The following CHP1 variants were observed in gnomAD, a reference collection of about 807,000 sequenced individuals.
The protein encoded by CHP1 is calcineurin like EF-hand protein 1.
A neutral mutation model predicts 27.4 loss-of-function variants in CHP1; 11 were observed. The observed-to-expected ratio is 0.40, with a 90% confidence interval of 0.25 to 0.67. The LOEUF is 0.67. Among genes scored for constraint, CHP1 ranks in the 30% least tolerant of loss-of-function variants. The pLI, the probability that CHP1 is intolerant of heterozygous loss-of-function variation, is 0.38. For missense variants in CHP1, 169 were observed against 251.3 expected (o/e 0.67, Z 2.22); for synonymous variants, 89 against 87.4 (o/e 1.02, Z -0.10).
In CHP1 at chr15:41,281,775, A is replaced by AT. The variant is rs1002409209; in HGVS notation, c.*2390dup. The AT allele has an allele frequency of 6.6e-6, 1 of 152,494 alleles. No individual in the cohort carries two copies. The highest frequency in any genetic ancestry group is 1.5e-5 in the Non-Finnish European group (1 of 68,020). 9.4% of individuals were successfully genotyped at this position (152,494 alleles called of 1,614,324 possible). On this transcript the variant is annotated 3_prime_UTR_variant, in exon 7 of 7. Coordinates refer to ENST00000334660, the MANE Select transcript of CHP1 (RefSeq NM_007236.5). ...TGGCATAAAGTTCCTAAGGTTATAG[A>AT]TTTTCCCCCCTTTTGGCTGTATAGC...
chr15:41,279,216 A>G, intron 6 of CHP1, 120 bp from the exon 7 acceptor site: 1 of 866,626 alleles, frequency 1.2e-6, no homozygotes, highest in Non-Finnish European at 1.8e-6. Flanking sequence ...CCTCCAAAAA[A>G]AAAAAAAAAA....
chr15:41,267,405 T>C (rs2047466828), intron 4 of CHP1, among the ~76,000 whole-genome samples: 1 of 152,074 alleles, frequency 6.6e-6, no homozygotes, highest in African/African-American at 2.4e-5. Flanking sequence ...CTTATTCCTG[T>C]AATCCCAACA....
At chr15:41,259,127 C>G (rs2047418316) in intron 3 of CHP1, among the ~76,000 whole-genome samples, 1 of 152,072 alleles carries the variant, frequency 6.6e-6, no homozygotes, top group African/African-American at 2.4e-5. Flanking sequence ...TCTAATTCCT[C>G]TTTTACCCCT....
intron 4 of CHP1, among the ~76,000 whole-genome samples, chr15:41,268,206 T>C (rs549621870): frequency 6.6e-6 from 1 of 152,292 alleles, no homozygotes; most frequent in East Asian, 1.9e-4. Flanking sequence ...GAGAAAGGCA[T>C]AGGGAGATGT....
At position 41,231,434 on chromosome 15, in the gene CHP1, A is replaced by G. The variant is rs1308313102; in HGVS notation, c.52A>G (p.Lys18Glu). 6.2e-7 allele frequency: 1 copy of G among 1,603,724 alleles called. No individual in the cohort carries two copies. The highest frequency in any genetic ancestry group is 1.1e-5 in the South Asian group (1 of 88,902). ...GCGGGACGAAGAGCTCGAGGAGATC[A>G]AGAAGGAGACCGGCTGTGAGTTCGG... ...LLRDEELEEIKKETGFSHSQI... is the reference protein window; with the variant it reads ...LLRDEELEEIEKETGFSHSQI... The change falls in exon 1 of 7, where the codon AAG becomes GAG. Residue 18 changes from lysine (K) to glutamate (E), a missense_variant. Coordinates refer to ENST00000334660, the MANE Select transcript of CHP1 (RefSeq NM_007236.5).
chr15:41,244,426 T>G (rs2164996), intron 2 of CHP1, among the ~76,000 whole-genome samples: 1 of 151,870 alleles, frequency 6.6e-6, no homozygotes, highest in South Asian at 2.1e-4. Flanking sequence ...TTTGTCTTCT[T>G]TTATTTACCA....
intron 1 of CHP1, among the ~76,000 whole-genome samples, chr15:41,238,882 C>T (rs1011320096): frequency 3.9e-5 from 6 of 151,998 alleles, no homozygotes; most frequent in South Asian, 2.1e-4. Flanking sequence ...TTTATATGCA[C>T]GGCCTTCTCT....
intron 6 of CHP1, 89 bp from the exon 7 acceptor site, chr15:41,279,247 A>C: frequency 2.0e-6 from 2 of 1,015,718 alleles, no homozygotes; most frequent in Non-Finnish European, 3.1e-6. Context: ...ACTGCACAGG[A>C]GGAAGGGGGG....
intron 5 of CHP1, among the ~76,000 whole-genome samples, chr15:41,276,976 G>C (rs2047522536): frequency 6.6e-6 from 1 of 152,200 alleles, no homozygotes. Flanking sequence ...CCACCAGACA[G>C]AATGAGGTAA....
intron 2 of CHP1, among the ~76,000 whole-genome samples, chr15:41,255,896 A>G (rs919187187): frequency 6.6e-6 from 1 of 152,118 alleles, no homozygotes; most frequent in Non-Finnish European, 1.5e-5. Flanking sequence ...GAGTGCCTGT[A>G]ATCCCAGCTA....
At chr15:41,248,125 A>C (rs933355488) in intron 2 of CHP1, among the ~76,000 whole-genome samples, 3 of 151,878 alleles carry the variant, frequency 2.0e-5, no homozygotes, top group African/African-American at 7.3e-5. Context: ...GATGTGCCAG[A>C]CACTGTTCTC....
intron 1 of CHP1, among the ~76,000 whole-genome samples, chr15:41,236,406 C>T (rs2047277184): frequency 6.6e-6 from 1 of 152,060 alleles, no homozygotes; most frequent in East Asian, 1.9e-4. Context: ...GGACTACAGG[C>T]ACATGCCACC....
intron 1 of CHP1, among the ~76,000 whole-genome samples, chr15:41,238,870 C>T (rs192916095): frequency 3.3e-5 from 5 of 151,988 alleles, no homozygotes; most frequent in East Asian, 1.9e-4. Flanking sequence ...AAAAAAGACA[C>T]GTTTATATGC....
At chr15:41,241,685 G>A (rs1025915535) in intron 1 of CHP1, among the ~76,000 whole-genome samples, 1 of 152,202 alleles carries the variant, frequency 6.6e-6, no homozygotes, top group African/African-American at 2.4e-5. Flanking sequence ...ACAGAACAGA[G>A]CCCAGCTTCG....
intron 1 of CHP1, among the ~76,000 whole-genome samples, chr15:41,240,744 ACT>A (rs1332075200): frequency 1.4e-5 from 2 of 147,496 alleles, no homozygotes; most frequent in Non-Finnish European, 3.0e-5. Context: ...GAAGAGCGAA[ACT>A]CTATCTCAAA....
At chr15:41,244,924 C>T (rs1264667880) in intron 2 of CHP1, among the ~76,000 whole-genome samples, 1 of 152,016 alleles carries the variant, frequency 6.6e-6, no homozygotes, top group Non-Finnish European at 1.5e-5. Context: ...CAGCTTAGGA[C>T]TTCTTTAGAA....
chr15:41,247,601 G>A (rs1170338779), intron 2 of CHP1, among the ~76,000 whole-genome samples: 15 of 151,924 alleles, frequency 9.9e-5, no homozygotes, highest in Non-Finnish European at 2.2e-4. Flanking sequence ...GAACCCGGGA[G>A]GTGGAGGTTG....
intron 3 of CHP1, 44 bp downstream of exon 3, chr15:41,257,034 A>C (rs1157086063): frequency 6.9e-7 from 1 of 1,440,618 alleles, no homozygotes; most frequent in Admixed American, 1.7e-5. Context: ...AGGCTATCAC[A>C]ACCTAAATTA....
At chr15:41,266,968 C>T (rs570678921) in intron 4 of CHP1, among the ~76,000 whole-genome samples, 1 of 151,860 alleles carries the variant, frequency 6.6e-6, no homozygotes, top group South Asian at 2.1e-4. Flanking sequence ...CCACTGCACT[C>T]TAGCTTGGGC....
Sources: gnomAD v4.1 joint callset for allele counts (sites outside exome capture counted in the v4.1 genomes callset) on GRCh38, gnomAD v4.1.1 for gene constraint, MANE v1.5 for transcripts, NCBI Gene and HGNC (gene_info 2026-07-23, HGNC 2026-07-21) for gene names.